GALNT13: variants seen among roughly 807,000 people sequenced by gnomAD.
The protein encoded by GALNT13 is polypeptide N-acetylgalactosaminyltransferase 13.
GALNT13 carries 28 observed loss-of-function variants against 64.2 expected under a neutral mutation model. The observed-to-expected ratio is 0.44, with a 90% CI of 0.32 to 0.60. The LOEUF (loss-of-function observed/expected upper bound fraction) is 0.60, where lower values mean the gene tolerates loss of function less well. GALNT13 is among the 20% of genes least tolerant of loss of function. GALNT13 has a pLI of 0.05. For synonymous variants in GALNT13, 214 were observed against 224.6 expected (o/e 0.95, Z 0.42); for missense variants, 577 against 669.8 (o/e 0.86, Z 1.53).
At chr2:154,407,683 T>G (rs1699612342) in intron 10 of GALNT13, among the ~76,000 whole-genome samples, 1 of 152,126 alleles carries the variant, frequency 6.6e-6, no homozygotes, top group African/African-American at 2.4e-5. Flanking sequence ...GGGTTGCTGC[T>G]CAGATTTTTT....
intron 9 of GALNT13, among the ~76,000 whole-genome samples, chr2:154,354,923 TTG>T (rs1696646344): frequency 1.5e-5 from 2 of 133,966 alleles, no homozygotes; most frequent in South Asian, 4.5e-4. Context: ...GAATTTCCCA[TTG>T]TTTTCTCTGA....
At chr2:154,004,396 G>C (rs1402571193) in intron 3 of GALNT13, among the ~76,000 whole-genome samples, 1 of 151,966 alleles carries the variant, frequency 6.6e-6, no homozygotes, top group African/African-American at 2.4e-5. Context: ...AGTAGAGAGG[G>C]GGTTTCACCA....
At chr2:153,737,045 G>A in the GALNT13 span, among the ~76,000 whole-genome samples, 7 of 152,226 alleles carry the variant, frequency 4.6e-5, no homozygotes, top group Admixed American at 1.3e-4. Context: ...TTCTATCATC[G>A]GGCTGGCACA....
At chr2:153,812,387 C>T in the GALNT13 span, among the ~76,000 whole-genome samples, 2 of 151,908 alleles carry the variant, frequency 1.3e-5, no homozygotes, top group African/African-American at 4.8e-5. Context: ...TGTTAATTTC[C>T]TTAATCCTTT....
chr2:154,131,817 C>A (rs1403779118), intron 3 of GALNT13, among the ~76,000 whole-genome samples: 3 of 152,186 alleles, frequency 2.0e-5, no homozygotes, highest in African/African-American at 4.8e-5. Flanking sequence ...GGAAGCCAGT[C>A]CAAGTCCCAA....
chr2:153,843,212 C>A, the GALNT13 span, among the ~76,000 whole-genome samples: 3 of 152,128 alleles, frequency 2.0e-5, no homozygotes, highest in Non-Finnish European at 4.4e-5. Context: ...TTACAGGAAA[C>A]ATGTTGCTGA....
chr2:153,886,009 C>A (rs1490230571), intron 1 of GALNT13, among the ~76,000 whole-genome samples: 1 of 151,502 alleles, frequency 6.6e-6, no homozygotes, highest in Non-Finnish European at 1.5e-5. Context: ...GAGAGAGAGA[C>A]AGAGAGAGAG....
chr2:153,627,803 CT>C, the GALNT13 span, among the ~76,000 whole-genome samples: 1 of 152,052 alleles, frequency 6.6e-6, no homozygotes, highest in Non-Finnish European at 1.5e-5. Context: ...CAGCTTTGTT[CT>C]TTTGGCTTGG....
chr2:153,986,410 G>T (rs1422286161), intron 3 of GALNT13, among the ~76,000 whole-genome samples: 1 of 151,834 alleles, frequency 6.6e-6, no homozygotes, highest in African/African-American at 2.4e-5. Context: ...TAAGTGCTAG[G>T]ATTACAACAG....
chr2:153,403,535 C>A, the GALNT13 span, among the ~76,000 whole-genome samples: 1 of 152,232 alleles, frequency 6.6e-6, no homozygotes, highest in African/African-American at 2.4e-5. Context: ...GCCTCCCTGC[C>A]ACCTTGCAGT....
the GALNT13 span, among the ~76,000 whole-genome samples, chr2:153,435,581 C>G: frequency 6.6e-6 from 1 of 151,936 alleles, no homozygotes; most frequent in Non-Finnish European, 1.5e-5. Flanking sequence ...ATTTTATTCT[C>G]TTTGAAGCAA....
At chr2:153,562,777 T>A in the GALNT13 span, among the ~76,000 whole-genome samples, 1 of 152,156 alleles carries the variant, frequency 6.6e-6, no homozygotes, top group Non-Finnish European at 1.5e-5. Flanking sequence ...TTATGAAGTG[T>A]CGCTGTGATG....
At chr2:154,029,921 T>C (rs1362361380) in intron 3 of GALNT13, among the ~76,000 whole-genome samples, 2 of 152,134 alleles carry the variant, frequency 1.3e-5, no homozygotes, top group Non-Finnish European at 2.9e-5. Flanking sequence ...GAAGAATGCA[T>C]TTGATAGGCT....
chr2:153,506,197 C>A, the GALNT13 span, among the ~76,000 whole-genome samples: 5 of 151,948 alleles, frequency 3.3e-5, no homozygotes, highest in African/African-American at 1.2e-4. Context: ...TATGGAATAT[C>A]TTTTTCCACA....
At chr2:153,869,900 A>C (rs752555239), upstream of GALNT13, among the ~76,000 whole-genome samples, 4 of 152,102 alleles carry the variant, frequency 2.6e-5, no homozygotes, top group Non-Finnish European at 5.9e-5. Flanking sequence ...AGTACTTCAC[A>C]TTGGAGCTTG....
intron 4 of GALNT13, among the ~76,000 whole-genome samples, chr2:154,222,108 A>G (rs1345698361): frequency 2.0e-5 from 3 of 152,052 alleles, no homozygotes; most frequent in African/African-American, 7.2e-5. Flanking sequence ...TTCTTTACAT[A>G]CCATTGTTCC....
chr2:154,205,677 A>T (rs966050146), intron 4 of GALNT13, among the ~76,000 whole-genome samples: 2 of 152,150 alleles, frequency 1.3e-5, no homozygotes, highest in African/African-American at 4.8e-5. Flanking sequence ...GTCACATCTT[A>T]TGCAGATGCT....
intron 3 of GALNT13, among the ~76,000 whole-genome samples, chr2:154,135,641 A>G (rs1682906426): frequency 6.6e-6 from 1 of 152,196 alleles, no homozygotes; most frequent in African/African-American, 2.4e-5. Context: ...CAAAGCAAGT[A>G]TATACTGAAT....
chr2:154,253,237 C>A (rs1690183299), intron 7 of GALNT13, among the ~76,000 whole-genome samples: 4 of 152,108 alleles, frequency 2.6e-5, no homozygotes, highest in African/African-American at 9.7e-5. Flanking sequence ...AGACTTCTAA[C>A]AACTAAATTT....
Sources: allele counts gnomAD v4.1 joint callset (sites outside exome capture counted in the v4.1 genomes callset), GRCh38; gene constraint gnomAD v4.1.1; transcripts MANE v1.5; gene names NCBI Gene and HGNC (gene_info 2026-07-23, HGNC 2026-07-21).